The following PPP1R37 variants were observed in gnomAD, a reference collection of about 807,000 sequenced individuals.
The protein encoded by PPP1R37 is leucine rich repeat containing 68.
PPP1R37 carries 21 observed loss-of-function variants against 61.0 expected under a neutral mutation model. The observed-to-expected ratio is 0.34, with a 90% CI of 0.24 to 0.50. The LOEUF (loss-of-function observed/expected upper bound fraction) is 0.50, where lower values mean the gene tolerates loss of function less well. Among genes scored for constraint, PPP1R37 ranks in the 20% least tolerant of loss-of-function variants. The pLI, the probability that PPP1R37 is intolerant of heterozygous loss-of-function variation, is 0.98. For missense variants in PPP1R37, 910 were observed against 952.7 expected (o/e 0.96, Z 0.59); for synonymous variants, 443 against 433.5 (o/e 1.02, Z -0.27).
chr19:45,115,966 C>A (rs1373114274), intron 1 of PPP1R37, among the ~76,000 whole-genome samples: 33 of 149,760 alleles, frequency 2.2e-4, no homozygotes, highest in Non-Finnish European at 4.3e-4. Flanking sequence ...AAGAGTGAGA[C>A]TCTGTCTCAA....
chr19:45,095,923 G>C (rs555245362), intron 1 of PPP1R37, among the ~76,000 whole-genome samples: 1 of 152,310 alleles, frequency 6.6e-6, no homozygotes, highest in South Asian at 2.1e-4. Flanking sequence ...GACCTGGAGA[G>C]GCAGAGCAGG....
chr19:45,128,022 AC>A (rs34629732), intron 1 of PPP1R37, among the ~76,000 whole-genome samples: 2 of 151,998 alleles, frequency 1.3e-5, no homozygotes, highest in African/African-American at 4.8e-5. Flanking sequence ...TATGCTAATT[AC>A]CCTGACTCAA....
In PPP1R37 at chr19:45,096,822, A is replaced by G. The variant is rs369634229; in HGVS notation, c.202+3295A>G. On this transcript the variant is annotated intron_variant, in intron 1 of 12. Transcript: ENST00000221462. ...GCGTCTGAGCTGCAGAGGTGATGACATGGACTGGACTGGAAGAATTGGTCC... is the reference window on the plus strand; with the variant it reads ...GCGTCTGAGCTGCAGAGGTGATGACGTGGACTGGACTGGAAGAATTGGTCC... Among the ~76,000 whole-genome samples the G allele has an allele frequency of 5.3e-5, 8 of 152,184 alleles. No homozygotes were observed. In the East Asian group the frequency reaches 7.7e-4, roughly 15 times the overall value.
intron 1 of PPP1R37, among the ~76,000 whole-genome samples, chr19:45,134,503 T>C (rs775276602): frequency 2.0e-5 from 3 of 152,082 alleles, no homozygotes; most frequent in African/African-American, 4.8e-5. Context: ...TTTGAATACA[T>C]TTGGCCTCAT....
rs1371418628 is a variant in PPP1R37 at position 45,109,725 on chromosome 19, CCCACAGCCATGG to C, written c.202+16203_202+16214del. On this transcript the variant is annotated intron_variant, in intron 1 of 12. Coordinates refer to ENST00000221462, the MANE Select transcript of PPP1R37 (RefSeq NM_019121.2). The stretch of plus-strand genomic sequence containing the variant: ...AGCAGGAGCCTGGACTCCCTCGTCT[CCCACAGCCATGG>C]CCACCACGTCATCAGCACCCTCTGT... 3.3e-5 allele frequency among the ~76,000 whole-genome samples: 5 copies of C among 152,214 alleles called. No individual in the cohort carries two copies. The East Asian group carries it at 9.6e-4, about 29-fold the overall frequency.
At chr19:45,115,995 G>A (rs929446902) in intron 1 of PPP1R37, among the ~76,000 whole-genome samples, 10 of 151,546 alleles carry the variant, frequency 6.6e-5, no homozygotes, top group African/African-American at 2.4e-4. Context: ...AAAAAGTTGT[G>A]TGTCACATGG....
chr19:45,133,093 G>A (rs1383741655), intron 1 of PPP1R37, among the ~76,000 whole-genome samples: 6 of 152,090 alleles, frequency 3.9e-5, no homozygotes, highest in African/African-American at 1.4e-4. Flanking sequence ...TTGTGTGTCC[G>A]TGAGAAGGAG....
In PPP1R37 at chr19:45,138,628, GT is replaced by G; in HGVS notation, c.300+18del. The G allele has an allele frequency of 7.1e-7, 1 of 1,399,888 alleles. No individual in the cohort carries two copies. Among genetic ancestry groups the G allele is most frequent in the Non-Finnish European group, 9.8e-7 (1 of 1,023,930 alleles). 86.7% of individuals were successfully genotyped at this position (1,399,888 alleles called of 1,614,324 possible). On this transcript the variant is annotated intron_variant, in intron 2 of 12. Transcript: ENST00000221462. ...CAGCTGCAGGTATGGGCGGGACAGG[GT>G]GGGTGCGTCCGGTGTGGGTGTCAAG...
chr19:45,100,669 G>A (rs117260864), intron 1 of PPP1R37, among the ~76,000 whole-genome samples: 2 of 152,324 alleles, frequency 1.3e-5, no homozygotes, highest in East Asian at 1.9e-4. Context: ...TCGGTGCAAC[G>A]TGCCATACGG....
chr19:45,139,893 C>T (rs1158566745), intron 2 of PPP1R37, among the ~76,000 whole-genome samples: 1 of 152,266 alleles, frequency 6.6e-6, no homozygotes, highest in African/African-American at 2.4e-5. Flanking sequence ...AGGCTCATTT[C>T]CTGCCTCACA....
At chr19:45,141,533 A>C in intron 5 of PPP1R37, 92 bp downstream of exon 5, 1 of 1,439,904 alleles carries the variant, frequency 6.9e-7, no homozygotes, top group East Asian at 2.5e-5. Flanking sequence ...CTCTGACTGC[A>C]TGAGCTCTTG....
intron 1 of PPP1R37, among the ~76,000 whole-genome samples, chr19:45,124,561 C>G (rs536524939): frequency 1.3e-5 from 2 of 152,114 alleles, no homozygotes; most frequent in African/African-American, 4.8e-5. Context: ...CTCGCTCTCA[C>G]GCATCATCTG....
intron 1 of PPP1R37, among the ~76,000 whole-genome samples, chr19:45,098,059 C>G (rs1968016178): frequency 6.6e-6 from 1 of 152,188 alleles, no homozygotes; most frequent in South Asian, 2.1e-4. Flanking sequence ...ACCAGGATGT[C>G]AGAGGATAGG....
At chr19:45,141,530 T>C in intron 5 of PPP1R37, 89 bp downstream of exon 5, 1 of 1,444,922 alleles carries the variant, frequency 6.9e-7, no homozygotes, top group Non-Finnish European at 9.2e-7. Flanking sequence ...AGGCTCTGAC[T>C]GCATGAGCTC....
At chr19:45,125,334 G>A (rs1444307813) in intron 1 of PPP1R37, among the ~76,000 whole-genome samples, 4 of 152,020 alleles carry the variant, frequency 2.6e-5, no homozygotes, top group African/African-American at 9.7e-5. Context: ...GTGGTGGCGC[G>A]TGCCTGTAGT....
chr19:45,120,866 A>G (rs114513259), intron 1 of PPP1R37, among the ~76,000 whole-genome samples: 1,575 of 152,280 alleles, frequency 0.01, 26 homozygotes, highest in African/African-American at 0.036. Flanking sequence ...CACCTGCCTC[A>G]GCCTTGGCCT....
chr19:45,138,709 C>G, intron 2 of PPP1R37, 98 bp downstream of exon 2: 1 of 722,506 alleles, frequency 1.4e-6, no homozygotes, highest in Non-Finnish European at 2.3e-6. Flanking sequence ...CTCCCCAGCC[C>G]CAGGTGTTCA....
rs11312138 is a variant in PPP1R37, at chr19:45,120,014, C to CTTTTTTTTTTTTTTTTTTTTTTTTTTTTT, written c.203-18479_203-18478insTTTTTTTTTTTTTTTTTTTTTTTTTTTTT. On this transcript the variant is annotated intron_variant, in intron 1 of 12. Coordinates refer to ENST00000221462, the MANE Select transcript of PPP1R37 (RefSeq NM_019121.2). ...AGCACAGATTTTTTATTTTCCCCTTCTTTTTTTTTTTTTTTTTTTTTGAGA... is the reference window on the plus strand; with the variant it reads ...AGCACAGATTTTTTATTTTCCCCTTCTTTTTTTTTTTTTTTTTTTTTTTTTTTTTTTTTTTTTTTTTTTTTTTTTTGAGA... Among the ~76,000 whole-genome samples, 31 of 83,574 alleles carry CTTTTTTTTTTTTTTTTTTTTTTTTTTTTT rather than the reference C, an allele frequency of 3.7e-4. 5 individuals carry two copies. Among genetic ancestry groups the CTTTTTTTTTTTTTTTTTTTTTTTTTTTTT allele is most frequent in the Non-Finnish European group, 6.2e-4 (26 of 41,782 alleles). The allele number at this position is 83,574 out of a possible 152,430, so 54.8% of individuals were successfully genotyped here. A position where few individuals can be genotyped will look rare whatever the true frequency, so the allele number is the denominator to read the frequency against.
chr19:45,109,161 C>T (rs1968169571), intron 1 of PPP1R37, among the ~76,000 whole-genome samples: 2 of 152,210 alleles, frequency 1.3e-5, no homozygotes, highest in South Asian at 2.1e-4. Flanking sequence ...TTTATAAGGA[C>T]TCCTCTATTG....
Sources: gnomAD v4.1 joint callset for allele counts (sites outside exome capture counted in the v4.1 genomes callset) on GRCh38, gnomAD v4.1.1 for gene constraint, MANE v1.5 for transcripts, NCBI Gene and HGNC (gene_info 2026-07-23, HGNC 2026-07-21) for gene names.